Variants in EXD1 observed in about 807,000 individuals in gnomAD.
The protein encoded by EXD1 is exonuclease 3'-5' domain containing 1.
EXD1 carries 63 observed loss-of-function variants against 49.1 expected under a neutral mutation model. That is an observed-to-expected ratio of 1.28 (90% CI 1.05 to 1.58). The LOEUF (loss-of-function observed/expected upper bound fraction) is 1.58, where lower values mean the gene tolerates loss of function less well. Among genes scored for constraint, EXD1 ranks in the 40% most tolerant of loss-of-function variants. The pLI is 0.00. For synonymous variants in EXD1, 234 were observed against 239.2 expected (o/e 0.98, Z 0.20); for missense variants, 748 against 666.0 (o/e 1.12, Z -1.36).
intron 10 of EXD1, 197 bp from the exon 11 acceptor site, chr15:41,190,325 T>G (rs772553222): frequency 6.1e-6 from 3 of 494,658 alleles, no homozygotes; most frequent in Non-Finnish European, 1.1e-5. Flanking sequence ...ATACAAAAAT[T>G]AGCTGGGCAT....
chr15:41,184,677 T>TTTTAC (rs2046379911), intron 11 of EXD1, 84 bp from the exon 12 acceptor site: 1 of 1,331,694 alleles, frequency 7.5e-7, no homozygotes, highest in African/African-American at 1.5e-5. Context: ...TTTTTTGAGA[T>TTTTAC]GGAGTCTCGC....
At chr15:41,226,068 C>G (rs374806033) in intron 2 of EXD1, among the ~76,000 whole-genome samples, 1 of 151,798 alleles carries the variant, frequency 6.6e-6, no homozygotes, top group African/African-American at 2.4e-5. Flanking sequence ...CTGGCTAACA[C>G]GGTGAAACCC....
Position 41,190,036 on chromosome 15 carries a change from C to T in EXD1, c.957G>A (p.Leu319=), listed in dbSNP as rs2046482104. 3 of 1,614,114 alleles carry T rather than the reference C, an allele frequency of 1.9e-6. No homozygotes were observed. The highest frequency in any genetic ancestry group is 2.5e-6 in the Non-Finnish European group (3 of 1,180,024). Residue 319 remains leucine (L), a synonymous_variant, in exon 11 of 12, where the codon TTG becomes TTA. Transcript: ENST00000458580. ...LEATYLLPLR[L]ALLDEMMSDL... ...CAGACATCATCTCATCTAGGAGTGC[C>T]AAGCGAAGGGGTAACAGGTAGGTAG...
intron 2 of EXD1, among the ~76,000 whole-genome samples, chr15:41,226,079 T>C (rs999318522): frequency 1.6e-4 from 25 of 151,848 alleles, no homozygotes; most frequent in African/African-American, 5.3e-4. Flanking sequence ...GGTGAAACCC[T>C]GTCTCTACTA....
chr15:41,199,700 C>CATATATCATACATATGATATATT (rs1286124265), intron 7 of EXD1, among the ~76,000 whole-genome samples: 1 of 15,508 alleles, frequency 6.4e-5, no homozygotes, highest in African/African-American at 2.1e-4. Flanking sequence ...AGATATATTA[C>CATATATCATACATATGATATATT]ATATATCATA....
intron 2 of EXD1, among the ~76,000 whole-genome samples, chr15:41,222,056 C>T (rs528280549): frequency 9.9e-5 from 15 of 151,922 alleles, no homozygotes; most frequent in Non-Finnish European, 1.8e-4. Context: ...GCCAAGATCA[C>T]GCCACTACAC....
chr15:41,190,033 T>G lies in EXD1; in HGVS notation c.960A>C (p.Ala320=). ...GGTCAGACATCATCTCATCTAGGAG[T>G]GCCAAGCGAAGGGGTAACAGGTAGG... is the stretch of plus-strand genomic sequence containing the variant. ...EATYLLPLRL[A]LLDEMMSDLT... The change falls in exon 11 of 12, where the codon GCA becomes GCC. Residue 320 remains alanine (A), a synonymous_variant. Transcript: ENST00000458580. 6.2e-7 allele frequency: 1 copy of G among 1,613,736 alleles called. No individual in the cohort carries two copies. The highest frequency in any genetic ancestry group is 1.1e-5 in the South Asian group (1 of 91,062).
intron 11 of EXD1, among the ~76,000 whole-genome samples, chr15:41,184,809 C>A (rs539401027): frequency 6.6e-6 from 1 of 152,174 alleles, no homozygotes; most frequent in East Asian, 1.9e-4. Flanking sequence ...CGCCTGCCAC[C>A]ACGCCCAGCT....
chr15:41,191,802 A>C (rs1002296422), intron 9 of EXD1, among the ~76,000 whole-genome samples: 1 of 150,726 alleles, frequency 6.6e-6, no homozygotes, highest in Non-Finnish European at 1.5e-5. Flanking sequence ...TTTGAGGTGG[A>C]GTCTCGCTCT....
chr15:41,199,757 T>TATATAATATATG (rs770690755), intron 7 of EXD1, among the ~76,000 whole-genome samples: 1 of 87,238 alleles, frequency 1.1e-5, no homozygotes, highest in Non-Finnish European at 2.2e-5. Flanking sequence ...TTATATATGA[T>TATATAATATATG]ACATATATGA....
intron 7 of EXD1, 127 bp from the exon 8 acceptor site, chr15:41,196,164 A>G: frequency 1.3e-6 from 1 of 740,848 alleles, no homozygotes; most frequent in Non-Finnish European, 2.1e-6. Flanking sequence ...TTATTTATTT[A>G]GAGACAAAGT....
rs2046366315 is a variant in EXD1, at chr15:41,184,150, A to C, written c.1500T>G (p.Ser500=). ...ATAACTGTTCTGTCTCCTCTTTCAA[A>C]GATAAACTTGCCTGAAACTCATGTT... ...TPKHEFQASL[S]LKEETEQLLM... Residue 500 remains serine (S), a synonymous_variant, in exon 12 of 12, where the codon TCT becomes TCG. Coordinates refer to ENST00000458580, the MANE Select transcript of EXD1 (RefSeq NM_001286441.2). The C allele has an allele frequency of 6.2e-7, 1 of 1,614,032 alleles. No homozygotes were observed. The highest frequency in any genetic ancestry group is 1.1e-5 in the South Asian group (1 of 91,092).
At chr15:41,191,297 C>T in intron 10 of EXD1, 145 bp downstream of exon 10, 1 of 704,580 alleles carries the variant, frequency 1.4e-6, no homozygotes, top group East Asian at 2.8e-5. Flanking sequence ...CAGATATAAA[C>T]CATTCCCATT....
chr15:41,195,835 C>G lies in EXD1; in HGVS notation c.660G>C (p.Trp220Cys). 6.2e-7 allele frequency: 1 copy of G among 1,613,492 alleles called. No individual in the cohort carries two copies. The highest frequency in any genetic ancestry group is 8.5e-7 in the Non-Finnish European group (1 of 1,179,866). Residue 220 changes from tryptophan (W) to cysteine (C), a missense_variant, in exon 9 of 12, where the codon TGG (tryptophan) becomes TGC (cysteine). Trp to Cys is a radical substitution (Grantham distance 215). Transcript: ENST00000458580. The part of the protein sequence containing the change: ...RILKVIHDCR[W>C]LSDCLSHQYG... The stretch of plus-strand genomic sequence containing the variant: ...ACTGATGAGAGAGGCAATCAGAAAG[C>G]CAACGACAATCATGGATAACCTAAG...
intron 2 of EXD1, among the ~76,000 whole-genome samples, chr15:41,220,167 C>T (rs2047064391): frequency 6.6e-6 from 1 of 151,886 alleles, no homozygotes. Flanking sequence ...TAAAATTCTC[C>T]TGAGAATATT....
chr15:41,214,839 G>A (rs1237382311), intron 6 of EXD1, among the ~76,000 whole-genome samples: 2 of 151,810 alleles, frequency 1.3e-5, no homozygotes, highest in African/African-American at 2.4e-5. Context: ...TCCGCCTCCC[G>A]AGTTCACACC....
intron 1 of EXD1, among the ~76,000 whole-genome samples, chr15:41,226,938 C>T (rs911138595): frequency 6.6e-6 from 1 of 152,016 alleles, no homozygotes; most frequent in African/African-American, 2.4e-5. Context: ...CACATTTATA[C>T]ATCATTATAA....
intron 7 of EXD1, among the ~76,000 whole-genome samples, chr15:41,198,121 GA>G (rs2046644723): frequency 6.6e-6 from 1 of 152,172 alleles, no homozygotes; most frequent in East Asian, 1.9e-4. Flanking sequence ...CTGATTTCCT[GA>G]AATATAGCTC....
Position 41,226,528 on chromosome 15 carries a change from C to T in EXD1, c.48G>A (p.Lys16=), listed in dbSNP as rs1475919676. Residue 16 remains lysine (K), a synonymous_variant, in exon 2 of 12, where the codon AAG becomes AAA. Transcript: ENST00000458580. ...DYHFLSQILW[K]RVKLTLVCGV... ...CACAGACCAATGTGAGTTTCACCCT[C>T]TTCCACAAAATCTGGCTGAGGAAAT... The T allele has an allele frequency of 5.2e-6, 8 of 1,536,096 alleles. No individual in the cohort carries two copies. Among genetic ancestry groups the T allele is most frequent in the Non-Finnish European group, 7.0e-6 (8 of 1,146,888 alleles).
Sources: gnomAD v4.1 joint callset for allele counts (sites outside exome capture counted in the v4.1 genomes callset) on GRCh38, gnomAD v4.1.1 for gene constraint, MANE v1.5 for transcripts, NCBI Gene and HGNC (gene_info 2026-07-23, HGNC 2026-07-21) for gene names.